The following IFT46 variants were observed in gnomAD, a reference collection of about 807,000 sequenced individuals.
IFT46 encodes intraflagellar transport protein 46 homolog.
IFT46 carries 19 observed loss-of-function variants against 39.6 expected under a neutral mutation model. The observed-to-expected ratio is 0.48, with a 90% CI of 0.33 to 0.70. IFT46 has a LOEUF of 0.70. Among genes scored for constraint, IFT46 ranks in the 30% least tolerant of loss-of-function variants. The pLI is 0.01. For synonymous variants in IFT46, 117 were observed against 134.8 expected (o/e 0.87, Z 0.91); for missense variants, 334 against 364.8 (o/e 0.92, Z 0.69).
chr11:118,574,027 T>C (rs1328348903), upstream of IFT46, among the ~76,000 whole-genome samples: 1 of 152,212 alleles, frequency 6.6e-6, no homozygotes, highest in Non-Finnish European at 1.5e-5. Flanking sequence ...AAATATTCTT[T>C]GTTAAAAGGT....
chr11:118,553,419 C>T (rs1475519992), intron 7 of IFT46, among the ~76,000 whole-genome samples: 2 of 141,810 alleles, frequency 1.4e-5, no homozygotes, highest in Non-Finnish European at 3.0e-5. Context: ...CCAGCCTGGG[C>T]AACAAGAGTA....
Position 118,555,311 on chromosome 11 carries a change from G to A in IFT46, c.197C>T (p.Pro66Leu). ...HGAPLEGAYD[P>L]ADYEHLPVSA... ...AACTGGCAAATGCTCATAGTCTGCA[G>A]GGTCATAGGCCCTGGGAAAAGGAAA... The change falls in exon 5 of 12, where the codon CCT (proline) becomes CTT (leucine). Residue 66 changes from proline to leucine, a missense_variant. Physicochemically the swap from Pro to Leu is moderately conservative, Grantham distance 98. Transcript: ENST00000264021. The A allele has an allele frequency of 6.2e-7, 1 of 1,613,986 alleles. No individual in the cohort carries two copies. Among genetic ancestry groups the A allele is most frequent in the South Asian group, 1.1e-5 (1 of 91,068 alleles).
intron 2 of IFT46, chr11:118,561,010 G>C: frequency 1.4e-6 from 2 of 1,472,702 alleles, no homozygotes; most frequent in Non-Finnish European, 1.9e-6. Context: ...TGGCCCGCAG[G>C]CTTCCCAATA....
chr11:118,576,426 T>TAAAAAAAAAAAAA (rs10671866), upstream of IFT46, among the ~76,000 whole-genome samples: 7 of 108,744 alleles, frequency 6.4e-5, no homozygotes, highest in Admixed American at 1.2e-4. Flanking sequence ...CCAAAAATGT[T>TAAAAAAAAAAAAA]AAAAAAAAAA....
intron 3 of IFT46, among the ~76,000 whole-genome samples, chr11:118,558,363 G>A (rs1347973427): frequency 2.0e-5 from 3 of 151,992 alleles, no homozygotes; most frequent in East Asian, 3.9e-4. Flanking sequence ...TTGGGAGACC[G>A]AAGCAGGCGG....
At chr11:118,573,121 C>G (rs185526571), upstream of IFT46, among the ~76,000 whole-genome samples, 1 of 152,046 alleles carries the variant, frequency 6.6e-6, no homozygotes, top group African/African-American at 2.4e-5. Context: ...TGTATAGGAC[C>G]CAAGTGTCTC....
At chr11:118,561,122 T>C in intron 2 of IFT46, 1 of 1,486,280 alleles carries the variant, frequency 6.7e-7, no homozygotes. Flanking sequence ...TACCTGCTAT[T>C]TGGATACAGG....
upstream of IFT46, among the ~76,000 whole-genome samples, chr11:118,569,284 A>T (rs1938290270): frequency 6.6e-6 from 1 of 151,808 alleles, no homozygotes; most frequent in African/African-American, 2.4e-5. Context: ...CTTCTCAAAA[A>T]AAAAAAATTT....
chr11:118,555,192 A>G, intron 5 of IFT46, 56 bp downstream of exon 5: 1 of 1,561,330 alleles, frequency 6.4e-7, no homozygotes, highest in Non-Finnish European at 8.8e-7. Flanking sequence ...TAGAGATAGG[A>G]AAGGTTTGGG....
At position 118,548,792 on chromosome 11, in the gene IFT46, T is replaced by C. The variant is rs538288512; in HGVS notation, c.673-2939A>G. 3.4e-5 allele frequency among the ~76,000 whole-genome samples: 5 copies of C among 149,122 alleles called. No individual in the cohort carries two copies. The South Asian group carries it at 1.1e-3, about 32-fold the overall frequency. ...AGGTGTGAGCCACTGCACCTGGCCT[T>C]TTTTTTTTCTTTTAATAGAGATGGG... is the stretch of plus-strand genomic sequence containing the variant. On this transcript the variant is annotated intron_variant, in intron 9 of 11. Coordinates refer to ENST00000264021, the MANE Select transcript of IFT46 (RefSeq NM_001168618.2).
At chr11:118,561,005 C>A (rs1205772817) in intron 2 of IFT46, 1 of 1,451,874 alleles carries the variant, frequency 6.9e-7, no homozygotes, top group Non-Finnish European at 9.5e-7. Flanking sequence ...GCTGCTGGCC[C>A]GCAGGCTTCC....
At chr11:118,570,218 T>C (rs552177750), upstream of IFT46, among the ~76,000 whole-genome samples, 19 of 151,174 alleles carry the variant, frequency 1.3e-4, no homozygotes, top group Admixed American at 3.3e-4. Context: ...CATGCCCAGC[T>C]AATTTTTTTT....
rs369634410 is a variant in IFT46 at position 118,551,813 on chromosome 11, G to T, written c.645C>A (p.Ser215=). The T allele has an allele frequency of 1.4e-5, 23 of 1,613,932 alleles. No individual in the cohort carries two copies. The African/African-American group carries it at 2.9e-4, about 21-fold the overall frequency. Reference sequence around the variant, plus strand: ...TGCCCAAAAGCTCTTCAAACTCCGGGGACCATTCCTGCATCAGCGTGTCAA... The same window carrying T: ...TGCCCAAAAGCTCTTCAAACTCCGGTGACCATTCCTGCATCAGCGTGTCAA... The part of the protein sequence containing the change: ...PDIDTLMQEW[S]PEFEELLGKV... Residue 215 remains serine, a synonymous_variant, in exon 9 of 12, where the codon TCC becomes TCA. Transcript: ENST00000264021.
intron 9 of IFT46, among the ~76,000 whole-genome samples, chr11:118,548,836 G>A (rs1342721772): frequency 6.7e-6 from 1 of 149,860 alleles, no homozygotes; most frequent in African/African-American, 2.5e-5. Context: ...GCCCAGACTG[G>A]TCTCAAACTC....
At chr11:118,565,187 T>G (rs1284869233) in intron 1 of IFT46, 126 bp from the exon 2 acceptor site, 1 of 152,138 alleles carries the variant, frequency 6.6e-6, no homozygotes, top group East Asian at 1.9e-4. Context: ...CACAAAACCA[T>G]CACCCCATCC....
At chr11:118,551,358 G>GA (rs1951798854) in intron 9 of IFT46, among the ~76,000 whole-genome samples, 1 of 149,626 alleles carries the variant, frequency 6.7e-6, no homozygotes, top group African/African-American at 2.5e-5. Flanking sequence ...GGGCGACAGA[G>GA]AGAGACTCCA....
upstream of IFT46, chr11:118,573,640 G>A (rs1555072880): frequency 1.4e-6 from 1 of 700,760 alleles, no homozygotes; most frequent in South Asian, 1.5e-5. Flanking sequence ...TTAAAACATC[G>A]TCCAGTGTAC....
chr11:118,560,415 G>C (rs1555070372), intron 2 of IFT46: 3 of 163,242 alleles, frequency 1.8e-5, no homozygotes, highest in Non-Finnish European at 3.6e-5. Context: ...AACAGAGTGA[G>C]AGCCTGTCAG....
intron 9 of IFT46, among the ~76,000 whole-genome samples, chr11:118,550,672 A>T (rs1299847815): frequency 6.6e-6 from 1 of 152,130 alleles, no homozygotes; most frequent in Non-Finnish European, 1.5e-5. Context: ...GCAGAAACCT[A>T]CTTTAATTTT....
Sources: gnomAD v4.1 joint callset for allele counts (sites outside exome capture counted in the v4.1 genomes callset) on GRCh38, gnomAD v4.1.1 for gene constraint, MANE v1.5 for transcripts, NCBI Gene and HGNC (gene_info 2026-07-23, HGNC 2026-07-21) for gene names.